HOOK3: variants seen among roughly 807,000 people sequenced by gnomAD.
HOOK3 encodes the protein hook microtubule tethering protein 3, also known as protein Hook homolog 3.
HOOK3 carries 24 observed loss-of-function variants against 116.3 expected under a neutral mutation model. That is an observed-to-expected ratio of 0.21 (90% CI 0.15 to 0.29). The LOEUF is 0.29. Among genes scored for constraint, HOOK3 ranks in the 10% least tolerant of loss-of-function variants. The pLI is 1.00. For missense variants in HOOK3, 632 were observed against 830.2 expected (o/e 0.76, Z 2.93); for synonymous variants, 275 against 283.0 (o/e 0.97, Z 0.28).
At chr8:43,005,912 G>A (rs1809477002) in intron 17 of HOOK3, among the ~76,000 whole-genome samples, 1 of 151,242 alleles carries the variant, frequency 6.6e-6, no homozygotes, top group South Asian at 2.1e-4. Flanking sequence ...GGACAGGCTG[G>A]TCTTGAACTC....
chr8:42,966,643 A>C (rs1368761159), intron 10 of HOOK3, 30 bp downstream of exon 10: 2 of 1,605,456 alleles, frequency 1.2e-6, no homozygotes, highest in Admixed American at 3.4e-5. Context: ...CGCCCAGCAC[A>C]GTTTGGCTCT....
At chr8:43,006,467 C>A (rs1809492304) in intron 17 of HOOK3, among the ~76,000 whole-genome samples, 1 of 152,022 alleles carries the variant, frequency 6.6e-6, no homozygotes, top group African/African-American at 2.4e-5. Context: ...GGACTACAGG[C>A]AAACACCACC....
At chr8:43,012,935 C>T in intron 19 of HOOK3, 116 bp from the exon 20 acceptor site, 3 of 685,990 alleles carry the variant, frequency 4.4e-6, no homozygotes. Flanking sequence ...TGTAAGATAA[C>T]CTTTGATTTT....
chr8:43,008,546 T>C (rs1809538268), intron 18 of HOOK3, among the ~76,000 whole-genome samples: 2 of 152,278 alleles, frequency 1.3e-5, no homozygotes, highest in South Asian at 4.1e-4. Context: ...TTTGAACTTC[T>C]GAGCTCAAGT....
At position 42,949,107 on chromosome 8, in the gene HOOK3, T is replaced by G. The variant is rs143506006; in HGVS notation, c.401-1281T>G. ...TGAATCTCTTGTCAAAAGAGTACTT[T>G]GACAGTTTCATGGTAAGACCCCTTC... On this transcript the variant is annotated intron_variant, in intron 5 of 21. Transcript: ENST00000307602. Among the ~76,000 whole-genome samples the G allele has an allele frequency of 3.3e-5, 5 of 152,328 alleles. No homozygotes were observed. The East Asian group carries it at 9.6e-4, about 29-fold the overall frequency.
chr8:43,001,996 A>G (rs1809390599), intron 16 of HOOK3, 111 bp from the exon 17 acceptor site: 2 of 688,304 alleles, frequency 2.9e-6, no homozygotes, highest in South Asian at 3.6e-5. Flanking sequence ...TGACCAAACA[A>G]ATTACTGAAA....
chr8:42,914,749 C>T lies in HOOK3; in HGVS notation c.143+8491C>T, dbSNP rs143081654. ...TTTACCAGTTCTCCCCTCTTTCTTG[C>T]ATCATCATTTGCCCCTCCTCTACTG... On this transcript the variant is annotated intron_variant, in intron 2 of 21. Transcript: ENST00000307602. 6.6e-5 allele frequency among the ~76,000 whole-genome samples: 10 copies of T among 152,338 alleles called. No individual in the cohort carries two copies. The East Asian group carries it at 1.7e-3, about 26-fold the overall frequency.
At chr8:42,995,996 A>G (rs16891667) in intron 15 of HOOK3, among the ~76,000 whole-genome samples, 12,401 of 152,198 alleles carry the variant, frequency 0.081, 602 homozygotes, top group African/African-American at 0.13. Flanking sequence ...CTGTCTGACC[A>G]TGTTTTCCCT....
At chr8:42,995,921 AC>A (rs1302740217) in intron 15 of HOOK3, among the ~76,000 whole-genome samples, 1 of 151,956 alleles carries the variant, frequency 6.6e-6, no homozygotes, top group East Asian at 1.9e-4. Context: ...CTGCTCTTGA[AC>A]CTTTTTGATA....
At chr8:42,974,628 C>G (rs935888216) in intron 13 of HOOK3, among the ~76,000 whole-genome samples, 7 of 152,218 alleles carry the variant, frequency 4.6e-5, no homozygotes, top group African/African-American at 1.7e-4. Flanking sequence ...ATTGGGCCCA[C>G]GTGCGCTCCT....
At chr8:42,948,501 C>T (rs1336766765) in intron 5 of HOOK3, among the ~76,000 whole-genome samples, 2 of 152,170 alleles carry the variant, frequency 1.3e-5, no homozygotes, top group Non-Finnish European at 2.9e-5. Flanking sequence ...TCTTAACTAA[C>T]GCTTCCCCTC....
intron 13 of HOOK3, among the ~76,000 whole-genome samples, chr8:42,981,020 T>A (rs1466005831): frequency 6.6e-6 from 1 of 151,984 alleles, no homozygotes; most frequent in African/African-American, 2.4e-5. Flanking sequence ...CCTTCAGTCT[T>A]GGACTTCTCT....
In HOOK3 at chr8:42,950,446, C is replaced by A. The variant is rs1414114654; in HGVS notation, c.459C>A (p.Ala153=). ...EESVQHVVMT[A]IQELMSKESP... The stretch of plus-strand genomic sequence containing the variant: ...CTGTTCAACATGTTGTCATGACAGC[C>A]ATTCAAGAGGTATGTTGGAGCTTCA... Residue 153 remains alanine (A), a synonymous_variant, in exon 6 of 22, where the codon GCC becomes GCA. Transcript: ENST00000307602. 2 of 1,606,580 alleles carry A rather than the reference C, an allele frequency of 1.2e-6. No homozygotes were observed. The highest frequency in any genetic ancestry group is 1.7e-6 in the Non-Finnish European group (2 of 1,173,992).
intron 5 of HOOK3, 56 bp downstream of exon 5, chr8:42,943,501 AT>A: frequency 8.9e-7 from 1 of 1,123,234 alleles, no homozygotes; most frequent in Non-Finnish European, 1.2e-6. Context: ...AGTAGTGTAT[AT>A]TTTATATTTT....
At chr8:42,977,234 T>C (rs1808847040) in intron 13 of HOOK3, among the ~76,000 whole-genome samples, 1 of 152,110 alleles carries the variant, frequency 6.6e-6, no homozygotes, top group Non-Finnish European at 1.5e-5. Flanking sequence ...TAAATAACAC[T>C]CTTGCCTGAC....
At chr8:42,919,096 C>T (rs1180205687) in intron 2 of HOOK3, among the ~76,000 whole-genome samples, 1 of 151,842 alleles carries the variant, frequency 6.6e-6, no homozygotes, top group East Asian at 2.0e-4. Flanking sequence ...GGCTGCCCCC[C>T]ATCACCCAGA....
chr8:42,932,172 A>G lies in HOOK3; in HGVS notation c.267+2000A>G, dbSNP rs75977867. Among the ~76,000 whole-genome samples the G allele has an allele frequency of 5.2e-3, 788 of 152,300 alleles. 13 individuals carry two copies. The highest frequency in any genetic ancestry group is 0.018 in the African/African-American group (752 of 41,550). On this transcript the variant is annotated intron_variant, in intron 4 of 21. Coordinates refer to ENST00000307602, the MANE Select transcript of HOOK3 (RefSeq NM_032410.4). Reference sequence around the variant, plus strand: ...AGTTTCCTAATCATGTCAAATAAATATTAATTTCCAAGAAAAACATGATAT... The same window carrying G: ...AGTTTCCTAATCATGTCAAATAAATGTTAATTTCCAAGAAAAACATGATAT...
intron 15 of HOOK3, among the ~76,000 whole-genome samples, chr8:42,988,724 A>T (rs1182331948): frequency 6.6e-6 from 1 of 152,002 alleles, no homozygotes. Flanking sequence ...AAAGTTTTAC[A>T]GATGAGGGAA....
chr8:42,925,594 A>G lies in HOOK3; in HGVS notation c.181A>G (p.Ile61Val), dbSNP rs533962099. The change falls in exon 3 of 22, where the codon ATC becomes GTC. Residue 61 changes from isoleucine to valine, a missense_variant. Physicochemically the swap from Ile to Val is conservative, Grantham distance 29. Transcript: ENST00000307602. ...TTTTGATGAAAATTGGCTAAACAGA[A>G]TCAAAACTGAAGTAGGAGATAATTG... is the stretch of plus-strand genomic sequence containing the variant. The part of the protein sequence containing the change: ...AYFDENWLNR[I>V]KTEVGDNWRL... 4.4e-6 allele frequency: 7 copies of G among 1,606,428 alleles called. No homozygotes were observed. The East Asian group carries it at 8.9e-5, about 20-fold the overall frequency.
Sources: gnomAD v4.1 joint callset for allele counts (sites outside exome capture counted in the v4.1 genomes callset) on GRCh38, gnomAD v4.1.1 for gene constraint, MANE v1.5 for transcripts, NCBI Gene and HGNC (gene_info 2026-07-23, HGNC 2026-07-21) for gene names.